Variants in SERINC5 observed in about 807,000 individuals in gnomAD.
The protein encoded by SERINC5 is chromosome 5 open reading frame 12.
In SERINC5, 41 loss-of-function variants were observed where a neutral mutation model predicts 63.1. That is an observed-to-expected ratio of 0.65 (90% CI 0.51 to 0.84). SERINC5 has a LOEUF of 0.84. Among genes scored for constraint, SERINC5 ranks in the 40% least tolerant of loss-of-function variants. The pLI is 0.00. For missense variants in SERINC5, 523 were observed against 573.0 expected, an observed-to-expected ratio of 0.91 and a Z score of 0.89; for synonymous variants, 222 against 215.2, an observed-to-expected ratio of 1.03 and a Z score of -0.28.
chr5:80,153,515 T>A (rs1466728942), intron 8 of SERINC5, among the ~76,000 whole-genome samples: 1 of 152,062 alleles, frequency 6.6e-6, no homozygotes, highest in East Asian at 1.9e-4. Context: ...AAATTCTTAT[T>A]ATCTGCATTC....
At chr5:80,251,290 G>GCATA (rs201874043) in intron 1 of SERINC5, among the ~76,000 whole-genome samples, 3,648 of 98,522 alleles carry the variant, frequency 0.037, 63 homozygotes, top group Non-Finnish European at 0.047. Context: ...ATACATACAT[G>GCATA]CATACATACA....
downstream of SERINC5, among the ~76,000 whole-genome samples, chr5:80,136,498 C>T (rs920460283): frequency 6.6e-6 from 1 of 152,050 alleles, no homozygotes; most frequent in Admixed American, 6.6e-5. Context: ...TGTTGAAGAA[C>T]GGAATTAGAC....
chr5:80,160,079 G>A (rs1272915126), intron 7 of SERINC5, among the ~76,000 whole-genome samples: 1 of 152,200 alleles, frequency 6.6e-6, no homozygotes, highest in Admixed American at 6.5e-5. Flanking sequence ...GGCCGGACTT[G>A]TGACCAGTGG....
At chr5:80,239,346 G>T (rs1409949403) in intron 1 of SERINC5, among the ~76,000 whole-genome samples, 2 of 152,114 alleles carry the variant, frequency 1.3e-5, no homozygotes, top group Non-Finnish European at 2.9e-5. Flanking sequence ...AAAACTATTG[G>T]AGTGTGCTAA....
chr5:80,170,259 G>C (rs1337270993), intron 5 of SERINC5, among the ~76,000 whole-genome samples: 3 of 152,174 alleles, frequency 2.0e-5, no homozygotes, highest in Non-Finnish European at 4.4e-5. Flanking sequence ...CATGGACAGG[G>C]AGCTAGACTT....
At chr5:80,203,266 ATATATGTGTATATATATTTATATATATT>A (rs1749968270) in intron 1 of SERINC5, 1 of 205,926 alleles carries the variant, frequency 4.9e-6, no homozygotes, top group African/African-American at 2.4e-5. Context: ...ACATATATAT[ATATATGTGTATATATATTTATATATATT>A]GAGACAGTCT....
At chr5:80,203,245 AATATATATACACATAT>A in intron 1 of SERINC5, 192 bp from the exon 2 acceptor site, 1 of 468,236 alleles carries the variant, frequency 2.1e-6, no homozygotes, top group Non-Finnish European at 4.0e-6. Context: ...TCTCTAAATA[AATATATATACACATAT>A]ATATATATAT....
Position 80,166,487 on chromosome 5 carries a change from T to G in SERINC5, c.764-9A>C. On this transcript the variant is annotated splice_polypyrimidine_tract_variant and intron_variant, in intron 6 of 11. Coordinates refer to ENST00000507668, the MANE Select transcript of SERINC5 (RefSeq NM_001174072.3). The stretch of plus-strand genomic sequence containing the variant: ...CCCCGAGTGTGGCTGTCCTGAAAAG[T>G]GACAAGAGACAGACAACAGGTTTTA... 6.4e-7 allele frequency: 1 copy of G among 1,562,808 alleles called. No individual in the cohort carries two copies.
At chr5:80,251,861 G>A (rs1414504426) in intron 1 of SERINC5, among the ~76,000 whole-genome samples, 5 of 49,662 alleles carry the variant, frequency 1.0e-4, no homozygotes, top group Non-Finnish European at 1.4e-4. Flanking sequence ...GAATGTTGGC[G>A]CATCTGCCTC....
intron 2 of SERINC5, among the ~76,000 whole-genome samples, chr5:80,186,501 T>C (rs1474778327): frequency 1.3e-5 from 2 of 152,114 alleles, no homozygotes; most frequent in African/African-American, 4.8e-5. Context: ...AAAATAGCAC[T>C]CACTACTTGT....
Position 80,143,753 on chromosome 5 carries a change from G to A in SERINC5, c.1296C>T (p.Val432=), listed in dbSNP as rs1183564478. 1 of 1,536,004 alleles carries A rather than the reference G, an allele frequency of 6.5e-7. No individual in the cohort carries two copies. Among genetic ancestry groups the A allele is most frequent in the Non-Finnish European group, 8.7e-7 (1 of 1,146,884 alleles). The part of the protein sequence containing the change: ...FFSGSWSIFW[V]KMASCWICVL... ...CGCATATCCAGCAGGAGGCCATCTT[G>A]ACCCAGAAGATGGACCAGCTCCCGC... Residue 432 remains valine, a synonymous_variant, in exon 12 of 12, where the codon GTC becomes GTT. Coordinates refer to ENST00000507668, the MANE Select transcript of SERINC5 (RefSeq NM_001174072.3).
At chr5:80,209,282 T>A (rs1750323827) in intron 1 of SERINC5, among the ~76,000 whole-genome samples, 1 of 152,140 alleles carries the variant, frequency 6.6e-6, no homozygotes, top group Non-Finnish European at 1.5e-5. Context: ...ACGAAAAAGG[T>A]ATTTAAAAGT....
chr5:80,205,165 CAG>C (rs1404005027), intron 1 of SERINC5, among the ~76,000 whole-genome samples: 1 of 152,226 alleles, frequency 6.6e-6, no homozygotes, highest in African/African-American at 2.4e-5. Flanking sequence ...CAAACAGCTA[CAG>C]AGATGAGGGG....
chr5:80,252,732 C>T lies in SERINC5; in HGVS notation c.27+3164G>A, dbSNP rs559304015. 4.5e-4 allele frequency among the ~76,000 whole-genome samples: 69 copies of T among 152,258 alleles called. 2 individuals are homozygous for T. The South Asian group carries it at 0.014, about 31-fold the overall frequency. On this transcript the variant is annotated intron_variant, in intron 1 of 11. Coordinates refer to ENST00000507668, the MANE Select transcript of SERINC5 (RefSeq NM_001174072.3). Reference sequence around the variant, plus strand: ...ATCACATGTAATTTTCCCAATAACCCTAAGAAGTACCCATTCAATAGTTGA... The same window carrying T: ...ATCACATGTAATTTTCCCAATAACCTTAAGAAGTACCCATTCAATAGTTGA...
chr5:80,133,029 A>T (rs914628587), intron 11 of SERINC5, among the ~76,000 whole-genome samples: 4 of 152,066 alleles, frequency 2.6e-5, no homozygotes, highest in African/African-American at 9.7e-5. Context: ...ATGGTTGCAG[A>T]TCCCTCATGG....
At position 80,207,335 on chromosome 5, in the gene SERINC5, A is replaced by G. The variant is rs924111880; in HGVS notation, c.28-4282T>C. On this transcript the variant is annotated intron_variant, in intron 1 of 11. Transcript: ENST00000507668. ...TATTTCAAGTTCAAATGTGATCAAC[A>G]AAATACTTATTCTATTTGGGAAAAT... Among the ~76,000 whole-genome samples the G allele has an allele frequency of 4.6e-5, 7 of 152,338 alleles. No individual in the cohort carries two copies. The East Asian group carries it at 1.3e-3, about 29-fold the overall frequency.
At chr5:80,166,648 T>C (rs1473444795) in intron 6 of SERINC5, 170 bp from the exon 7 acceptor site, 15 of 515,680 alleles carry the variant, frequency 2.9e-5, no homozygotes, top group Non-Finnish European at 4.6e-5. Context: ...TAAAAAGATA[T>C]TAAGGGGGAG....
intron 2 of SERINC5, 24 bp downstream of exon 2, chr5:80,202,862 C>A (rs534304210): frequency 2.9e-5 from 46 of 1,588,680 alleles, no homozygotes; most frequent in Non-Finnish European, 3.4e-5. Context: ...GGAAATAGGA[C>A]GAGCTGAACA....
At chr5:80,129,038 C>T (rs1355310863) in intron 11 of SERINC5, 1 of 152,188 alleles carries the variant, frequency 6.6e-6, no homozygotes, top group East Asian at 1.9e-4. Flanking sequence ...CAGAAAGACA[C>T]TGATTGTCCA....
Sources: gnomAD v4.1 joint callset for allele counts (sites outside exome capture counted in the v4.1 genomes callset) on GRCh38, gnomAD v4.1.1 for gene constraint, MANE v1.5 for transcripts, NCBI Gene and HGNC (gene_info 2026-07-23, HGNC 2026-07-21) for gene names.